CTNNA3: variants seen among roughly 807,000 people sequenced by gnomAD.
CTNNA3 encodes catenin alpha-3.
Under a neutral mutation model 95.7 loss-of-function variants are expected in CTNNA3, and 76 were observed. The ratio of observed to expected loss-of-function variants is 0.79; its 90% CI spans 0.66 to 0.96. CTNNA3 has a LOEUF of 0.96. CTNNA3 is among the 40% of genes least tolerant of loss of function. CTNNA3 has a pLI of 0.00. For synonymous variants in CTNNA3, 431 were observed against 374.4 expected (o/e 1.15, Z -1.74); for missense variants, 1,191 against 1,089.8 (o/e 1.09, Z -1.31).
intron 1 of CTNNA3, among the ~76,000 whole-genome samples, chr10:67,736,786 A>G (rs1176059470): frequency 6.6e-6 from 1 of 152,032 alleles, no homozygotes; most frequent in East Asian, 1.9e-4. Flanking sequence ...ATTAGATTTA[A>G]CTAGACTTAA....
intron 11 of CTNNA3, among the ~76,000 whole-genome samples, chr10:66,497,993 A>ATT (rs1262089949): frequency 6.6e-6 from 1 of 152,080 alleles, no homozygotes; most frequent in Non-Finnish European, 1.5e-5. Context: ...CAGTTCCCAA[A>ATT]TTTATGTGCT....
chr10:66,470,407 A>T (rs1372104131), intron 11 of CTNNA3, among the ~76,000 whole-genome samples: 1 of 151,816 alleles, frequency 6.6e-6, no homozygotes, highest in Non-Finnish European at 1.5e-5. Context: ...TTCAAATGAG[A>T]TTGGCAAGCA....
At chr10:66,902,695 T>A (rs1393398420) in intron 7 of CTNNA3, among the ~76,000 whole-genome samples, 1 of 151,980 alleles carries the variant, frequency 6.6e-6, no homozygotes, top group Non-Finnish European at 1.5e-5. Context: ...AACGATAAAA[T>A]GGATATCACC....
chr10:66,775,297 T>C (rs534171743), intron 8 of CTNNA3, 147 bp downstream of exon 8: 8 of 557,220 alleles, frequency 1.4e-5, no homozygotes, highest in Admixed American at 3.4e-5. Flanking sequence ...GGTATGAATA[T>C]ATAAATGTGG....
At chr10:67,342,606 G>T (rs1454957024) in intron 5 of CTNNA3, among the ~76,000 whole-genome samples, 1 of 152,132 alleles carries the variant, frequency 6.6e-6, no homozygotes, top group African/African-American at 2.4e-5. Context: ...ATTTTGATTT[G>T]ATTTTTGTAT....
At chr10:66,806,754 ATATGTG>A (rs1465172592) in intron 7 of CTNNA3, among the ~76,000 whole-genome samples, 16 of 73,468 alleles carry the variant, frequency 2.2e-4, no homozygotes, top group African/African-American at 7.7e-4. Context: ...AATGTGGCAT[ATATGTG>A]TGTGTGTGTG....
intron 1 of CTNNA3, among the ~76,000 whole-genome samples, chr10:67,681,470 G>GA (rs2133569113): frequency 6.6e-6 from 1 of 152,112 alleles, no homozygotes; most frequent in East Asian, 1.9e-4. Context: ...ACATTTAGGA[G>GA]AAAAATTAAA....
chr10:66,132,985 C>G (rs1192739988), intron 13 of CTNNA3, among the ~76,000 whole-genome samples: 1 of 151,948 alleles, frequency 6.6e-6, no homozygotes, highest in Non-Finnish European at 1.5e-5. Flanking sequence ...ATAATCTGTA[C>G]AGCAAACCCC....
At chr10:66,312,554 G>GTT (rs36125139) in intron 12 of CTNNA3, among the ~76,000 whole-genome samples, 1 of 145,752 alleles carries the variant, frequency 6.9e-6, no homozygotes, top group African/African-American at 2.5e-5. Context: ...ATTGCAGATT[G>GTT]TTTTTTTTTT....
At chr10:66,014,440 T>C (rs1564578602) in intron 15 of CTNNA3, among the ~76,000 whole-genome samples, 1 of 152,154 alleles carries the variant, frequency 6.6e-6, no homozygotes, top group Non-Finnish European at 1.5e-5. Context: ...TAGCATTCAA[T>C]GGAAATCTTT....
At chr10:66,251,236 C>T (rs1055718593) in intron 13 of CTNNA3, among the ~76,000 whole-genome samples, 2 of 152,082 alleles carry the variant, frequency 1.3e-5, no homozygotes, top group African/African-American at 4.8e-5. Flanking sequence ...CTTCCATGGA[C>T]ATCTCTTTTC....
intron 13 of CTNNA3, among the ~76,000 whole-genome samples, chr10:66,260,184 C>T (rs539311133): frequency 1.8e-4 from 28 of 152,226 alleles, no homozygotes; most frequent in African/African-American, 6.5e-4. Context: ...TTATCTATTA[C>T]AGAAAAGAAG....
intron 5 of CTNNA3, among the ~76,000 whole-genome samples, chr10:67,246,972 TAAGGA>T (rs1865931292): frequency 6.6e-6 from 1 of 152,194 alleles, no homozygotes; most frequent in Non-Finnish European, 1.5e-5. Context: ...ATTTGATGTG[TAAGGA>T]ATGCATACTC....
chr10:67,216,442 C>A (rs997961145), intron 6 of CTNNA3, among the ~76,000 whole-genome samples: 1 of 151,952 alleles, frequency 6.6e-6, no homozygotes, highest in East Asian at 1.9e-4. Context: ...CACTTTCAGT[C>A]GGAGGAAGGA....
At chr10:65,999,983 G>C (rs1468260813) in intron 15 of CTNNA3, among the ~76,000 whole-genome samples, 1 of 150,576 alleles carries the variant, frequency 6.6e-6, no homozygotes, top group African/African-American at 2.4e-5. Context: ...ACTAGCTGAG[G>C]TAGTGCATAA....
intron 5 of CTNNA3, among the ~76,000 whole-genome samples, chr10:67,425,389 T>C (rs1291522017): frequency 1.3e-5 from 2 of 151,960 alleles, no homozygotes; most frequent in Non-Finnish European, 2.9e-5. Flanking sequence ...GCACTCTCAA[T>C]GACAGGAAGG....
rs1288480393 is a variant in CTNNA3 at position 67,317,612 on chromosome 10, A to C, written c.580-97742T>G. On this transcript the variant is annotated intron_variant, in intron 5 of 17. Coordinates refer to ENST00000433211, the MANE Select transcript of CTNNA3 (RefSeq NM_013266.4). Reference sequence around the variant, plus strand: ...GGCTAATTTTTTGTATTTTTAGTAGAGACAGGGTTTCACCATGTTAGCCAG... The same window carrying C: ...GGCTAATTTTTTGTATTTTTAGTAGCGACAGGGTTTCACCATGTTAGCCAG... Among the ~76,000 whole-genome samples, 3 of 152,134 alleles carry C rather than the reference A, an allele frequency of 2.0e-5. No homozygotes were observed. The East Asian group carries it at 5.8e-4, about 29-fold the overall frequency.
At chr10:66,628,788 G>GGA (rs1325530798) in intron 9 of CTNNA3, among the ~76,000 whole-genome samples, 4 of 152,078 alleles carry the variant, frequency 2.6e-5, no homozygotes, top group Non-Finnish European at 5.9e-5. Context: ...CAGGTTGGTA[G>GGA]GAGATAGCAA....
chr10:65,975,304 G>C (rs1415867864), intron 16 of CTNNA3, among the ~76,000 whole-genome samples: 2 of 151,896 alleles, frequency 1.3e-5, no homozygotes, highest in Non-Finnish European at 2.9e-5. Context: ...AAGCAAATGA[G>C]GGTTATCCCT....
Sources: gnomAD v4.1 joint callset for allele counts (sites outside exome capture counted in the v4.1 genomes callset) on GRCh38, gnomAD v4.1.1 for gene constraint, MANE v1.5 for transcripts, NCBI Gene and HGNC (gene_info 2026-07-23, HGNC 2026-07-21) for gene names.